KCNH8: variants seen among roughly 807,000 people sequenced by gnomAD.
KCNH8 encodes the protein voltage-gated delayed rectifier potassium channel KCNH8.
KCNH8 carries 70 observed loss-of-function variants against 103.6 expected under a neutral mutation model. The ratio of observed to expected loss-of-function variants is 0.68; its 90% CI spans 0.56 to 0.82. The LOEUF is 0.82. KCNH8 is among the 40% of genes least tolerant of loss of function. KCNH8 has a pLI of 0.00. For missense variants in KCNH8, 1,217 were observed against 1,329.9 expected (o/e 0.92, Z 1.32); for synonymous variants, 498 against 489.4 (o/e 1.02, Z -0.23).
intron 11 of KCNH8, among the ~76,000 whole-genome samples, chr3:19,466,727 G>A (rs1250496779): frequency 8.3e-6 from 1 of 120,656 alleles, no homozygotes; most frequent in African/African-American, 3.2e-5. Context: ...GCAATGACAC[G>A]ATCTCAGCTT....
chr3:19,462,922 T>G (rs1278878242), intron 11 of KCNH8, among the ~76,000 whole-genome samples: 1 of 152,128 alleles, frequency 6.6e-6, no homozygotes, highest in African/African-American at 2.4e-5. Flanking sequence ...GTCAGGTTTG[T>G]CAAAGATCAG....
chr3:19,446,698 C>T (rs1238930154), intron 8 of KCNH8, among the ~76,000 whole-genome samples: 1 of 151,754 alleles, frequency 6.6e-6, no homozygotes, highest in Non-Finnish European at 1.5e-5. Flanking sequence ...CCTCCAAAGC[C>T]ATTGCAAAAT....
intron 15 of KCNH8, among the ~76,000 whole-genome samples, chr3:19,526,633 C>G (rs1361786427): frequency 2.0e-5 from 3 of 152,010 alleles, no homozygotes; most frequent in Admixed American, 2.0e-4. Context: ...AATAATAGGT[C>G]ACCAGTATCG....
chr3:19,208,572 TA>T (rs1559423410), intron 1 of KCNH8, among the ~76,000 whole-genome samples: 1 of 152,006 alleles, frequency 6.6e-6, no homozygotes, highest in Non-Finnish European at 1.5e-5. Context: ...CTGGCTACCA[TA>T]AGGCATAAAT....
chr3:19,415,443 G>A (rs2066848909), intron 7 of KCNH8, among the ~76,000 whole-genome samples: 2 of 141,742 alleles, frequency 1.4e-5, no homozygotes, highest in Admixed American at 7.2e-5. Flanking sequence ...CATGGTAATA[G>A]ATATAAATCT....
At chr3:19,394,629 TA>T (rs1478863888) in intron 6 of KCNH8, among the ~76,000 whole-genome samples, 1 of 152,064 alleles carries the variant, frequency 6.6e-6, no homozygotes, top group African/African-American at 2.4e-5. Flanking sequence ...CTACCTATTT[TA>T]AAAAATAATC....
At chr3:19,397,135 A>T (rs1157810677) in intron 7 of KCNH8, among the ~76,000 whole-genome samples, 3 of 150,198 alleles carry the variant, frequency 2.0e-5, no homozygotes, top group Non-Finnish European at 4.4e-5. Flanking sequence ...TTTGTCAATT[A>T]AAAAAAAACA....
At chr3:19,176,590 A>G (rs1575415657) in intron 1 of KCNH8, among the ~76,000 whole-genome samples, 1 of 152,156 alleles carries the variant, frequency 6.6e-6, no homozygotes, top group Non-Finnish European at 1.5e-5. Context: ...TTCTTCCTTT[A>G]ACTGAGAATA....
chr3:19,370,245 G>C (rs1475324664), intron 5 of KCNH8, among the ~76,000 whole-genome samples: 2 of 151,902 alleles, frequency 1.3e-5, no homozygotes, highest in East Asian at 1.9e-4. Flanking sequence ...CTATTTGCTT[G>C]TGTGTATCCT....
intron 1 of KCNH8, among the ~76,000 whole-genome samples, chr3:19,180,624 T>A (rs1164916567): frequency 6.6e-6 from 1 of 152,194 alleles, no homozygotes; most frequent in Non-Finnish European, 1.5e-5. Flanking sequence ...CTATTGTGGC[T>A]TTACAATCTG....
chr3:19,488,326 G>A (rs550952082), intron 11 of KCNH8, among the ~76,000 whole-genome samples: 27 of 152,300 alleles, frequency 1.8e-4, no homozygotes, highest in African/African-American at 5.3e-4. Context: ...GTAAGTTGGC[G>A]TTTCCGCCTG....
At chr3:19,310,041 T>G (rs1170283494) in intron 3 of KCNH8, among the ~76,000 whole-genome samples, 2 of 151,916 alleles carry the variant, frequency 1.3e-5, no homozygotes, top group Non-Finnish European at 2.9e-5. Flanking sequence ...ATCCCAAAAA[T>G]ATTAAAACAT....
intron 1 of KCNH8, among the ~76,000 whole-genome samples, chr3:19,205,995 A>G (rs1277084402): frequency 6.6e-6 from 1 of 151,422 alleles, no homozygotes; most frequent in Non-Finnish European, 1.5e-5. Context: ...CCTATAGTCC[A>G]TTGTATCATT....
chr3:19,253,415 T>G (rs1049391762), intron 1 of KCNH8, among the ~76,000 whole-genome samples: 40 of 151,814 alleles, frequency 2.6e-4, no homozygotes, highest in Non-Finnish European at 3.8e-4. Context: ...AGCAGACCAG[T>G]GAACATGTAT....
chr3:19,448,964 TTA>T, intron 8 of KCNH8: 3 of 1,286,152 alleles, frequency 2.3e-6, no homozygotes, highest in Non-Finnish European at 2.0e-6. Flanking sequence ...CCTTCTTGGA[TTA>T]TCTGCTGGTT....
chr3:19,149,109 T>G (rs959501613), intron 1 of KCNH8, among the ~76,000 whole-genome samples: 4 of 152,128 alleles, frequency 2.6e-5, no homozygotes, highest in African/African-American at 9.7e-5. Context: ...TTGGTTGTAA[T>G]TTTCTGAGGT....
chr3:19,359,509 C>T (rs2065921699), intron 5 of KCNH8, among the ~76,000 whole-genome samples: 1 of 151,940 alleles, frequency 6.6e-6, no homozygotes, highest in Non-Finnish European at 1.5e-5. Context: ...ACACCTGATA[C>T]AATATCGTTT....
chr3:19,479,511 A>T (rs1316261318), intron 11 of KCNH8, among the ~76,000 whole-genome samples: 2 of 152,130 alleles, frequency 1.3e-5, no homozygotes, highest in Non-Finnish European at 2.9e-5. Flanking sequence ...GATGGTGGTG[A>T]AATGTCAGAT....
At chr3:19,374,079 T>C (rs2066150493) in intron 5 of KCNH8, among the ~76,000 whole-genome samples, 1 of 151,978 alleles carries the variant, frequency 6.6e-6, no homozygotes, top group Admixed American at 6.6e-5. Context: ...AAAAAATGTA[T>C]ATTCTGTTGA....
Sources: gnomAD v4.1 joint callset for allele counts (sites outside exome capture counted in the v4.1 genomes callset) on GRCh38, gnomAD v4.1.1 for gene constraint, MANE v1.5 for transcripts, NCBI Gene and HGNC (gene_info 2026-07-23, HGNC 2026-07-21) for gene names.